EPHA6: variants seen among roughly 807,000 people sequenced by gnomAD.
EPHA6 encodes EPH receptor A6.
A neutral mutation model predicts 112.0 loss-of-function variants in EPHA6; 50 were observed. The observed-to-expected ratio is 0.45, with a 90% CI of 0.36 to 0.56. The LOEUF is 0.56. Ranked by LOEUF, EPHA6 falls within the 20% of genes least tolerant of loss-of-function variation. The probability of loss-of-function intolerance (pLI) is 0.00; values close to 1 mark genes in which losing one functional copy is unlikely to be tolerated. For synonymous variants in EPHA6, 529 were observed against 490.7 expected (o/e 1.08, Z -1.03); for missense variants, 1,280 against 1,417.4 (o/e 0.90, Z 1.56).
At chr3:97,742,504 T>C (rs2107882200) in intron 16 of EPHA6, among the ~76,000 whole-genome samples, 1 of 152,230 alleles carries the variant, frequency 6.6e-6, no homozygotes, top group East Asian at 1.9e-4. Context: ...TCCTTCATAT[T>C]TTTCACTAGT....
intron 2 of EPHA6, among the ~76,000 whole-genome samples, chr3:96,987,073 T>C (rs2043049864): frequency 6.6e-6 from 1 of 152,148 alleles, no homozygotes; most frequent in Non-Finnish European, 1.5e-5. Flanking sequence ...TCCTTTACAG[T>C]TGAGGAAACT....
At chr3:96,940,468 C>T (rs1451136365) in intron 2 of EPHA6, among the ~76,000 whole-genome samples, 1 of 152,056 alleles carries the variant, frequency 6.6e-6, no homozygotes, top group African/African-American at 2.4e-5. Flanking sequence ...TTCCTCCATC[C>T]CTTTCTTTTG....
chr3:97,105,699 A>G (rs2108270410), intron 3 of EPHA6, among the ~76,000 whole-genome samples: 1 of 152,240 alleles, frequency 6.6e-6, no homozygotes, highest in Non-Finnish European at 1.5e-5. Flanking sequence ...CAGCTCCTGA[A>G]TATTTTCATT....
intron 3 of EPHA6, among the ~76,000 whole-genome samples, chr3:97,113,244 C>G (rs2047776804): frequency 6.6e-6 from 1 of 152,074 alleles, no homozygotes; most frequent in South Asian, 2.1e-4. Context: ...GAAATAGACC[C>G]TTAACCAGGA....
intron 3 of EPHA6, among the ~76,000 whole-genome samples, chr3:97,093,212 T>A (rs1309276707): frequency 6.6e-6 from 1 of 152,134 alleles, no homozygotes; most frequent in Admixed American, 6.6e-5. Context: ...GCTAACTGTA[T>A]GACTTTAAAA....
intron 14 of EPHA6, among the ~76,000 whole-genome samples, chr3:97,683,675 C>CT (rs1339091142): frequency 6.6e-6 from 1 of 152,044 alleles, no homozygotes; most frequent in Non-Finnish European, 1.5e-5. Context: ...GGCAGGGTGG[C>CT]TTGAGGGTTG....
At chr3:97,519,470 C>G (rs1213493774) in intron 10 of EPHA6, among the ~76,000 whole-genome samples, 1 of 152,126 alleles carries the variant, frequency 6.6e-6, no homozygotes, top group Non-Finnish European at 1.5e-5. Flanking sequence ...TATTTGAGCT[C>G]TTCTTTAATT....
At chr3:97,740,675 G>A (rs1170940969) in intron 16 of EPHA6, among the ~76,000 whole-genome samples, 2 of 152,126 alleles carry the variant, frequency 1.3e-5, no homozygotes, top group Non-Finnish European at 2.9e-5. Context: ...TTAAAAAACT[G>A]TGAATAATGC....
chr3:97,022,526 T>C (rs2044497740), intron 3 of EPHA6, among the ~76,000 whole-genome samples: 1 of 152,216 alleles, frequency 6.6e-6, no homozygotes, highest in Non-Finnish European at 1.5e-5. Context: ...GTGGGTGGGC[T>C]TCAAGACATC....
chr3:97,545,640 T>G (rs944195652), intron 11 of EPHA6, among the ~76,000 whole-genome samples: 15 of 152,228 alleles, frequency 9.9e-5, no homozygotes, highest in African/African-American at 3.4e-4. Context: ...CTGTCTCGTT[T>G]ATCTGTCTAA....
chr3:97,699,310 T>C lies in EPHA6; in HGVS notation c.2785-20951T>C, dbSNP rs140722363. Among the ~76,000 whole-genome samples the C allele has an allele frequency of 7.1e-3, 1,080 of 152,360 alleles. 7 individuals carry two copies. Among genetic ancestry groups the C allele is most frequent in the Admixed American group, 0.012 (185 of 15,300 alleles). On this transcript the variant is annotated intron_variant, in intron 14 of 17. Transcript: ENST00000389672. Reference sequence around the variant, plus strand: ...CAAAAATGTTTTCATGAGTATATTCTACATAGTGTTCAGCAGAGACACTAA... The same window carrying C: ...CAAAAATGTTTTCATGAGTATATTCCACATAGTGTTCAGCAGAGACACTAA...
chr3:97,517,046 T>C lies in EPHA6; in HGVS notation c.2201-15312T>C, dbSNP rs72930157. On this transcript the variant is annotated intron_variant, in intron 10 of 17. Coordinates refer to ENST00000389672, the MANE Select transcript of EPHA6 (RefSeq NM_001080448.3). ...GTTAGATGGTCTTCTTGGTTAATCA[T>C]GTCTTCATGACTTAGATTATAGGAG... Among the ~76,000 whole-genome samples, 772 of 152,290 alleles carry C rather than the reference T, an allele frequency of 5.1e-3. 10 individuals carry two copies. The highest frequency in any genetic ancestry group is 0.017 in the Middle Eastern group (5 of 294).
At chr3:97,330,401 C>T (rs192103561) in intron 5 of EPHA6, among the ~76,000 whole-genome samples, 1 of 152,214 alleles carries the variant, frequency 6.6e-6, no homozygotes, top group Admixed American at 6.5e-5. Context: ...CTATAAATTA[C>T]CTTGGGCAAT....
rs373782851 is a variant in EPHA6 at position 97,693,537 on chromosome 3, A to G, written c.2785-26724A>G. ...ACTATCGAATTGGGATTTTGTGTGG[A>G]AGAAGAAATGATGTAATCCCAGCAC... On this transcript the variant is annotated intron_variant, in intron 14 of 17. Transcript: ENST00000389672. Among the ~76,000 whole-genome samples the G allele has an allele frequency of 3.4e-4, 51 of 152,210 alleles. No homozygotes were observed. In the East Asian group the frequency reaches 7.4e-3, roughly 22 times the overall value.
intron 1 of EPHA6, among the ~76,000 whole-genome samples, chr3:96,824,838 C>T (rs2033538355): frequency 6.6e-6 from 1 of 151,858 alleles, no homozygotes; most frequent in Non-Finnish European, 1.5e-5. Context: ...ATATGTTAGC[C>T]ACGATTTGTG....
chr3:97,283,358 G>C (rs1482021562), intron 5 of EPHA6, among the ~76,000 whole-genome samples: 1 of 152,070 alleles, frequency 6.6e-6, no homozygotes, highest in Non-Finnish European at 1.5e-5. Context: ...AAAATTATGA[G>C]ATTCATTGAA....
chr3:97,205,169 ATTGCTT>A (rs1033763288), intron 3 of EPHA6, among the ~76,000 whole-genome samples: 8 of 152,184 alleles, frequency 5.3e-5, no homozygotes, highest in African/African-American at 1.4e-4. Context: ...AACATAACCT[ATTGCTT>A]TTGCTTGTTT....
At chr3:97,292,386 G>C (rs1247194899) in intron 5 of EPHA6, among the ~76,000 whole-genome samples, 1 of 152,214 alleles carries the variant, frequency 6.6e-6, no homozygotes, top group African/African-American at 2.4e-5. Context: ...CCATTTTGCG[G>C]GTCCCAAGTT....
chr3:96,816,649 A>G (rs2032807848), intron 1 of EPHA6, among the ~76,000 whole-genome samples: 1 of 152,054 alleles, frequency 6.6e-6, no homozygotes, highest in Non-Finnish European at 1.5e-5. Context: ...GTTCCCATGC[A>G]ATAATTTCCC....
Sources: allele counts gnomAD v4.1 joint callset (sites outside exome capture counted in the v4.1 genomes callset), GRCh38; gene constraint gnomAD v4.1.1; transcripts MANE v1.5; gene names NCBI Gene and HGNC (gene_info 2026-07-23, HGNC 2026-07-21).